Variants in ZNF106 observed in about 807,000 individuals in gnomAD.
ZNF106 encodes zinc finger protein 106, also known as SH3-domain binding protein 3.
A neutral mutation model predicts 195.1 loss-of-function variants in ZNF106; 67 were observed. The observed-to-expected ratio is 0.34, with a 90% CI of 0.28 to 0.42. The LOEUF (loss-of-function observed/expected upper bound fraction) is 0.42. Among genes scored for constraint, ZNF106 ranks in the 10% least tolerant of loss-of-function variants. ZNF106 has a pLI of 1.00. For missense variants in ZNF106, 2,118 were observed against 2,304.5 expected (o/e 0.92, Z 1.66); for synonymous variants, 784 against 818.6 (o/e 0.96, Z 0.72).
chr15:42,461,914 G>A lies in ZNF106; in HGVS notation c.116+4139C>T, dbSNP rs143241813. Among the ~76,000 whole-genome samples the A allele has an allele frequency of 7.0e-3, 1,067 of 152,242 alleles. 17 individuals are homozygous for A. Among genetic ancestry groups the A allele is most frequent in the African/African-American group, 0.025 (1,026 of 41,546 alleles). On this transcript the variant is annotated intron_variant, in intron 3 of 21. Transcript: ENST00000564754. Reference sequence around the variant, plus strand: ...TCCTTACAGTAAATGCTCCAAGTCCGTAAACAATTTTTGAGATTTTATGGG... The same window carrying A: ...TCCTTACAGTAAATGCTCCAAGTCCATAAACAATTTTTGAGATTTTATGGG...
In ZNF106 at chr15:42,414,503, C is replaced by T. The variant is rs1030928401; in HGVS notation, c.*2801G>A. The T allele has an allele frequency of 5.9e-5, 9 of 152,228 alleles. No homozygotes were observed. Among genetic ancestry groups the T allele is most frequent in the Admixed American group, 1.3e-4 (2 of 15,288 alleles). 9.4% of individuals were successfully genotyped at this position (152,228 alleles called of 1,614,324 possible). A position where few individuals can be genotyped will look rare whatever the true frequency, so the allele number is the denominator to read the frequency against. On this transcript the variant is annotated 3_prime_UTR_variant, in exon 22 of 22. Coordinates refer to ENST00000564754, the MANE Select transcript of ZNF106 (RefSeq NM_001366845.3). ...ACAAACACAGGTTCCCACACGTACA[C>T]ATACATACAAAGGAACCTGCACACT...
At chr15:42,490,037 C>G (rs1477596368) in intron 1 of ZNF106, among the ~76,000 whole-genome samples, 3 of 148,496 alleles carry the variant, frequency 2.0e-5, no homozygotes, top group African/African-American at 7.5e-5. Context: ...AAACTCCGTC[C>G]TAAAAAAAAT....
At chr15:42,432,707 TAAAA>T (rs36106729) in intron 14 of ZNF106, among the ~76,000 whole-genome samples, 6 of 124,000 alleles carry the variant, frequency 4.8e-5, no homozygotes, top group African/African-American at 8.5e-5. Context: ...ACCGTATTTC[TAAAA>T]AAAAAAAAAA....
chr15:42,451,378 G>A lies in ZNF106; in HGVS notation c.894C>T (p.His298=), dbSNP rs150773032. The A allele has an allele frequency of 3.4e-4, 547 of 1,614,064 alleles. 2 individuals carry two copies. In the African/African-American group the frequency reaches 4.9e-3, roughly 15 times the overall value. The change falls in exon 5 of 22, where the codon CAC becomes CAT. Residue 298 remains histidine (H), a synonymous_variant. Transcript: ENST00000564754. ...KKSNKSNKYS[H]DRYNWQRQEN... ...CTTGCCGCTGCCAATTATATCTGTCGTGACTGTATTTGTTTGACTTATTAG... is the reference window on the plus strand; with the variant it reads ...CTTGCCGCTGCCAATTATATCTGTCATGACTGTATTTGTTTGACTTATTAG...
chr15:42,443,104 G>C (rs559348013), intron 9 of ZNF106, among the ~76,000 whole-genome samples: 3 of 152,086 alleles, frequency 2.0e-5, no homozygotes, highest in African/African-American at 4.8e-5. Flanking sequence ...CTGGGCTCAA[G>C]GAATCCACCT....
chr15:42,423,757 A>G (rs2054753554), intron 17 of ZNF106, among the ~76,000 whole-genome samples: 4 of 152,194 alleles, frequency 2.6e-5, no homozygotes, highest in Admixed American at 2.6e-4. Flanking sequence ...GTTTATTTCA[A>G]GTTTAAATGA....
chr15:42,472,985 G>A (rs1405720291), intron 1 of ZNF106, among the ~76,000 whole-genome samples: 1 of 147,194 alleles, frequency 6.8e-6, no homozygotes, highest in Non-Finnish European at 1.5e-5. Flanking sequence ...CAGCCTGGGC[G>A]ACAGAGCAAG....
intron 3 of ZNF106, among the ~76,000 whole-genome samples, chr15:42,462,679 T>C (rs996494878): frequency 2.0e-5 from 3 of 152,170 alleles, no homozygotes; most frequent in Non-Finnish European, 4.4e-5. Context: ...GAGTCTCCTC[T>C]AAGAGAGAAA....
intron 1 of ZNF106, among the ~76,000 whole-genome samples, chr15:42,489,051 C>T (rs1424157447): frequency 6.8e-6 from 1 of 147,966 alleles, no homozygotes; most frequent in Non-Finnish European, 1.5e-5. Flanking sequence ...GCACTCCAGC[C>T]TGGGCGACAA....
chr15:42,434,893 C>T (rs1021158150), intron 14 of ZNF106, among the ~76,000 whole-genome samples: 1 of 151,986 alleles, frequency 6.6e-6, no homozygotes, highest in African/African-American at 2.4e-5. Context: ...CCTGCCTCAG[C>T]CTCCCAAGTA....
intron 20 of ZNF106, among the ~76,000 whole-genome samples, chr15:42,419,022 TCGAGACCAGCC>T (rs2054557180): frequency 7.1e-6 from 1 of 141,350 alleles, no homozygotes; most frequent in African/African-American, 2.7e-5. Context: ...GCCCAGGAGC[TCGAGACCAGCC>T]TGGGCAACAT....
chr15:42,468,741 CA>C (rs1567027980), intron 2 of ZNF106, among the ~76,000 whole-genome samples: 1 of 150,174 alleles, frequency 6.7e-6, no homozygotes, highest in Non-Finnish European at 1.5e-5. Flanking sequence ...GACTCCGTCT[CA>C]AAAAAAATAA....
intron 14 of ZNF106, among the ~76,000 whole-genome samples, chr15:42,433,987 T>C (rs2055168635): frequency 6.6e-6 from 1 of 152,162 alleles, no homozygotes; most frequent in African/African-American, 2.4e-5. Flanking sequence ...CAGCTAGGAC[T>C]ATAGGTGTGC....
chr15:42,488,276 C>T (rs185024057), intron 1 of ZNF106, among the ~76,000 whole-genome samples: 421 of 152,086 alleles, frequency 2.8e-3, no homozygotes, highest in African/African-American at 9.6e-3. Flanking sequence ...AAATGCACAC[C>T]CTCTTTTGCA....
chr15:42,414,076 T>C lies in ZNF106; in HGVS notation c.*3228A>G, dbSNP rs2054360156. ...AGACAAAAGCAACCGAGAGTAACAT[T>C]CTAAAAGTGGCTTCAACTACTTTAA... On this transcript the variant is annotated 3_prime_UTR_variant, in exon 22 of 22. Coordinates refer to ENST00000564754, the MANE Select transcript of ZNF106 (RefSeq NM_001366845.3). 1 of 152,214 alleles carries C rather than the reference T, an allele frequency of 6.6e-6. No individual in the cohort carries two copies. Among genetic ancestry groups the C allele is most frequent in the African/African-American group, 2.4e-5 (1 of 41,454 alleles). The allele number at this position is 152,214 out of a possible 1,614,324, so 9.4% of individuals were successfully genotyped here. A position where few individuals can be genotyped will look rare whatever the true frequency, so the allele number is the denominator to read the frequency against.
rs1460881908 is a variant in ZNF106, at chr15:42,413,265, T to C, written c.*4039A>G. The C allele has an allele frequency of 6.6e-6, 1 of 152,164 alleles. No homozygotes were observed. The highest frequency in any genetic ancestry group is 1.9e-4 in the East Asian group (1 of 5,198). The allele number at this position is 152,164 out of a possible 1,614,324, so 9.4% of individuals were successfully genotyped here. ...TCATATCCACTTGCATAAGGAAACC[T>C]AGTCTATCCCAAATCACCTCCACCA... On this transcript the variant is annotated 3_prime_UTR_variant, in exon 22 of 22. Coordinates refer to ENST00000564754, the MANE Select transcript of ZNF106 (RefSeq NM_001366845.3).
chr15:42,463,763 G>A (rs568007210), intron 3 of ZNF106, among the ~76,000 whole-genome samples: 2 of 152,096 alleles, frequency 1.3e-5, no homozygotes, highest in Non-Finnish European at 2.9e-5. Context: ...TCGTGCCACG[G>A]CACCCCAGCC....
intron 1 of ZNF106, among the ~76,000 whole-genome samples, chr15:42,485,589 T>C (rs2141462942): frequency 6.6e-6 from 1 of 152,268 alleles, no homozygotes; most frequent in African/African-American, 2.4e-5. Flanking sequence ...GGTGTGTGTG[T>C]GTGAGTACAC....
intron 17 of ZNF106, among the ~76,000 whole-genome samples, chr15:42,423,083 A>T (rs141290903): frequency 9.2e-5 from 14 of 152,066 alleles, no homozygotes; most frequent in African/African-American, 3.1e-4. Flanking sequence ...ATGGGGTCTC[A>T]CAGGCCGGGC....
Sources: allele counts gnomAD v4.1 joint callset (sites outside exome capture counted in the v4.1 genomes callset), GRCh38; gene constraint gnomAD v4.1.1; transcripts MANE v1.5; gene names NCBI Gene and HGNC (gene_info 2026-07-23, HGNC 2026-07-21).